The following FBH1 variants were observed in gnomAD, a reference collection of about 807,000 sequenced individuals.
FBH1 encodes DNA 3'-5' helicase 1.
Under a neutral mutation model 115.5 loss-of-function variants are expected in FBH1, and 43 were observed. That is an observed-to-expected ratio of 0.37 (90% CI 0.29 to 0.48). The LOEUF is 0.48. Ranked by LOEUF, FBH1 falls within the 20% of genes least tolerant of loss-of-function variation. FBH1 has a pLI of 0.99. For missense variants in FBH1, 1,001 were observed against 1,337.3 expected, an observed-to-expected ratio of 0.75 and a Z score of 3.92; for synonymous variants, 524 against 507.8, an observed-to-expected ratio of 1.03 and a Z score of -0.43.
intron 1 of FBH1, among the ~76,000 whole-genome samples, chr10:5,893,472 TC>T (rs1181292438): frequency 1.3e-5 from 2 of 152,198 alleles, no homozygotes; most frequent in African/African-American, 2.4e-5. Flanking sequence ...CTCCTGTCAT[TC>T]CTCATCAGGG....
At chr10:5,930,906 C>T (rs1262878823) in intron 19 of FBH1, among the ~76,000 whole-genome samples, 1 of 151,994 alleles carries the variant, frequency 6.6e-6, no homozygotes, top group Non-Finnish European at 1.5e-5. Flanking sequence ...TGCACCATCA[C>T]ACCTGGCTGG....
Position 5,906,017 on chromosome 10 carries a change from T to C in FBH1, c.158-20T>C. ...GTCATCGTTCATTTCTTGTCCATCC[T>C]GTTTGGGTTCTCTCTACAGGTCAGG... On this transcript the variant is annotated intron_variant, in intron 2 of 20. Transcript: ENST00000362091. The surrounding 1 kb of genome is among the most constrained non-coding windows in gnomAD (Gnocchi z 7.3). 1 of 1,567,324 alleles carries C rather than the reference T, an allele frequency of 6.4e-7. No individual in the cohort carries two copies. The highest frequency in any genetic ancestry group is 8.8e-7 in the Non-Finnish European group (1 of 1,141,086).
chr10:5,935,337 T>G lies in FBH1; in HGVS notation c.2830-1119T>G, dbSNP rs189617142. The G allele has an allele frequency of 6.6e-6, 1 of 152,322 alleles. No homozygotes were observed. Among genetic ancestry groups the G allele is most frequent in the East Asian group, 1.9e-4 (1 of 5,184 alleles). 9.4% of individuals were successfully genotyped at this position (152,322 alleles called of 1,614,324 possible). A position where few individuals can be genotyped will look rare whatever the true frequency, so the allele number is the denominator to read the frequency against. Reference sequence around the variant, plus strand: ...CGCTGTGACTGAGTCCTCTACAGCATTTTAGAAAACCTAGGTGAGGAGGAA... The same window carrying G: ...CGCTGTGACTGAGTCCTCTACAGCAGTTTAGAAAACCTAGGTGAGGAGGAA... On this transcript the variant is annotated intron_variant, in intron 19 of 20. Coordinates refer to ENST00000362091, the MANE Select transcript of FBH1 (RefSeq NM_178150.3). The surrounding 1 kb of genome is among the most constrained non-coding windows in gnomAD (Gnocchi z 5.2).
chr10:5,932,061 C>G lies in FBH1; in HGVS notation c.2830-4395C>G, dbSNP rs1330997656. Among the ~76,000 whole-genome samples, 12 of 152,172 alleles carry G rather than the reference C, an allele frequency of 7.9e-5. No individual in the cohort carries two copies. The highest frequency in any genetic ancestry group is 2.7e-4 in the African/African-American group (11 of 41,440). On this transcript the variant is annotated intron_variant, in intron 19 of 20. Transcript: ENST00000362091. The surrounding 1 kb of genome is among the most constrained non-coding windows in gnomAD (Gnocchi z 5.9). The stretch of plus-strand genomic sequence containing the variant: ...ACTTAGGAGGCTGAGGTGGGAGAAT[C>G]GCGTGAACCCAGGAGGCGGAGATTG...
At chr10:5,937,041 T>A in intron 20 of FBH1, 69 bp from the exon 21 acceptor site, 1 of 1,498,056 alleles carries the variant, frequency 6.7e-7, no homozygotes, top group South Asian at 1.4e-5. Context: ...GATAACTCCA[T>A]GCTTTTTGCT....
Position 5,924,414 on chromosome 10 carries a change from A to G in FBH1, c.2502A>G (p.Glu834=). The change falls in exon 17 of 21, where the codon GAA becomes GAG. Residue 834 remains glutamate, a synonymous_variant. Coordinates refer to ENST00000362091, the MANE Select transcript of FBH1 (RefSeq NM_178150.3). This position sits in a 1 kb window ranked among gnomAD's most constrained non-coding sequence, Gnocchi z 6.2. ...YVTAAEDKEL[E]AKIAVVEKYN... ...CCGCTGCCGAGGACAAGGAGCTTGA[A>G]GCCAAGATCGCAGTTGTTGAAAAGT... The G allele has an allele frequency of 6.2e-7, 1 of 1,614,266 alleles. No homozygotes were observed. The highest frequency in any genetic ancestry group is 1.1e-5 in the South Asian group (1 of 91,090).
rs367703353 is a variant in FBH1 at position 5,894,486 on chromosome 10, A to G, written c.1+4140A>G. 1.6e-5 allele frequency: 19 copies of G among 1,168,084 alleles called. No individual in the cohort carries two copies. In the African/African-American group the frequency reaches 2.4e-4, roughly 15 times the overall value. The allele number at this position is 1,168,084 out of a possible 1,614,324, so 72.4% of individuals were successfully genotyped here. On this transcript the variant is annotated intron_variant, in intron 1 of 20. Transcript: ENST00000362091. ...CCCGGGTTCTTGTGTTGGCACCATC[A>G]CTCATGAGCTACGAGGTGACTTCAG...
chr10:5,894,098 T>G (rs1842881638), intron 1 of FBH1: 3 of 985,298 alleles, frequency 3.0e-6, no homozygotes, highest in Non-Finnish European at 3.6e-6. Context: ...GCTTACTGCC[T>G]GGGAACTTTT....
chr10:5,916,489 C>A, intron 10 of FBH1, 33 bp downstream of exon 10: 1 of 1,564,170 alleles, frequency 6.4e-7, no homozygotes, highest in South Asian at 1.1e-5. Context: ...TGTTAGGGAT[C>A]TGAGGATGGG....
In FBH1 at chr10:5,906,351, A is replaced by G; in HGVS notation, c.472A>G (p.Arg158Gly). The change falls in exon 3 of 21, where the codon AGG becomes GGG. Residue 158 changes from arginine to glycine, a missense_variant. Physicochemically the swap from Arg to Gly is moderately radical, Grantham distance 125. Coordinates refer to ENST00000362091, the MANE Select transcript of FBH1 (RefSeq NM_178150.3). This position sits in a 1 kb window ranked among gnomAD's most constrained non-coding sequence, Gnocchi z 7.3. ...GCACCATTTGTCTGTGCCATGCACA[A>G]GGCCTAGGGAGGCCAGGCAAGAAGC... ...PRHHLSVPCT[R>G]PREARQEAED... 1 of 1,614,216 alleles carries G rather than the reference A, an allele frequency of 6.2e-7. No individual in the cohort carries two copies. The highest frequency in any genetic ancestry group is 8.5e-7 in the Non-Finnish European group (1 of 1,180,012).
intron 3 of FBH1, among the ~76,000 whole-genome samples, chr10:5,908,175 C>A (rs991664425): frequency 6.6e-6 from 1 of 151,882 alleles, no homozygotes; most frequent in East Asian, 1.9e-4. Context: ...GGGTTGTTTC[C>A]TATATTTAGG....
Position 5,909,274 on chromosome 10 carries a change from G to A in FBH1, c.1000G>A (p.Asp334Asn), listed in dbSNP as rs367743823. ...GGCGTGTGTGCGGCAACACCTCCCC[G>A]ACCTCTACGCTGCTGCCGGGGTAGG... ...AEACVRQHLP[D>N]LYAAAGGVNI... The change falls in exon 5 of 21, where the codon GAC (aspartate) becomes AAC (asparagine). Residue 334 changes from aspartate (D) to asparagine (N), a missense_variant. Physicochemically the swap from Asp to Asn is conservative, Grantham distance 23. Coordinates refer to ENST00000362091, the MANE Select transcript of FBH1 (RefSeq NM_178150.3). The surrounding 1 kb of genome is among the most constrained non-coding windows in gnomAD (Gnocchi z 4.4). 12 of 1,611,012 alleles carry A rather than the reference G, an allele frequency of 7.4e-6. No homozygotes were observed. Among genetic ancestry groups the A allele is most frequent in the South Asian group, 1.1e-5 (1 of 91,070 alleles).
rs35421692 is a variant in FBH1 at position 5,906,965 on chromosome 10, CTTT to C, written c.753+346_753+348del. Among the ~76,000 whole-genome samples, 7 of 142,702 alleles carry C rather than the reference CTTT, an allele frequency of 4.9e-5. No homozygotes were observed. Among genetic ancestry groups the C allele is most frequent in the Admixed American group, 7.0e-5 (1 of 14,206 alleles). 93.6% of individuals were successfully genotyped at this position (142,702 alleles called of 152,430 possible). On this transcript the variant is annotated intron_variant, in intron 3 of 20. Transcript: ENST00000362091. The surrounding 1 kb of genome is among the most constrained non-coding windows in gnomAD (Gnocchi z 7.3). ...GGGTTCCTCATATCTCCCTTGACTT[CTTT>C]TTTTTTTTTTTTGAGACAGAGTTTC...
In FBH1 at chr10:5,918,426, C is replaced by T. The variant is rs866331258; in HGVS notation, c.2048C>T (p.Ala683Val). The T allele has an allele frequency of 2.5e-6, 4 of 1,612,010 alleles. No individual in the cohort carries two copies. The highest frequency in any genetic ancestry group is 2.2e-5 in the East Asian group (1 of 44,818). ...PHQQIYTFRG[A>V]VNALFTVPHT... ...CAGCAGATCTATACCTTCCGGGGTG[C>T]GGTCAACGCCCTGTTCACAGTGCCC... Residue 683 changes from alanine to valine, a missense_variant, in exon 13 of 21, where the codon GCG (alanine) becomes GTG (valine). Ala to Val is a moderately conservative substitution (Grantham distance 64). Transcript: ENST00000362091. This position sits in a 1 kb window ranked among gnomAD's most constrained non-coding sequence, Gnocchi z 4.0.
intron 1 of FBH1, 152 bp from the exon 2 acceptor site, chr10:5,902,868 G>A: frequency 5.4e-6 from 3 of 559,482 alleles, no homozygotes; most frequent in South Asian, 7.2e-5. Context: ...AAAGGACAAA[G>A]TTGGGGGGCA....
chr10:5,936,700 T>C lies in FBH1; in HGVS notation c.2961+113T>C. 1 of 1,369,012 alleles carries C rather than the reference T, an allele frequency of 7.3e-7. No individual in the cohort carries two copies. The highest frequency in any genetic ancestry group is 1.0e-6 in the Non-Finnish European group (1 of 989,192). The allele number at this position is 1,369,012 out of a possible 1,614,324, so 84.8% of individuals were successfully genotyped here. A position where few individuals can be genotyped will look rare whatever the true frequency, so the allele number is the denominator to read the frequency against. ...TAAGAGAGAGCTGTGTGATCCTTTATTAGGGGCTTTTCATATGAGAGGCAC... is the reference window on the plus strand; with the variant it reads ...TAAGAGAGAGCTGTGTGATCCTTTACTAGGGGCTTTTCATATGAGAGGCAC... On this transcript the variant is annotated intron_variant, in intron 20 of 20. Coordinates refer to ENST00000362091, the MANE Select transcript of FBH1 (RefSeq NM_178150.3). This position sits in a 1 kb window ranked among gnomAD's most constrained non-coding sequence, Gnocchi z 5.6.
Position 5,915,593 on chromosome 10 carries a change from G to A in FBH1, c.1565+22G>A, listed in dbSNP as rs1172428307. 6.2e-7 allele frequency: 1 copy of A among 1,611,260 alleles called. No homozygotes were observed. Among genetic ancestry groups the A allele is most frequent in the Non-Finnish European group, 8.5e-7 (1 of 1,177,800 alleles). On this transcript the variant is annotated intron_variant, in intron 9 of 20. Coordinates refer to ENST00000362091, the MANE Select transcript of FBH1 (RefSeq NM_178150.3). The surrounding 1 kb of genome is among the most constrained non-coding windows in gnomAD (Gnocchi z 5.2). Reference sequence around the variant, plus strand: ...GGAAGTGAGTACTGCTGTCACTAGTGGCACTGTTGCTGCTGGCACGGTCGC... The same window carrying A: ...GGAAGTGAGTACTGCTGTCACTAGTAGCACTGTTGCTGCTGGCACGGTCGC...
chr10:5,904,286 G>C (rs1239323347), intron 2 of FBH1, among the ~76,000 whole-genome samples: 1 of 152,040 alleles, frequency 6.6e-6, no homozygotes, highest in African/African-American at 2.4e-5. Flanking sequence ...ACCTGCTTCC[G>C]CCTCTCAAAC....
chr10:5,894,661 C>A, intron 1 of FBH1: 5 of 693,710 alleles, frequency 7.2e-6, no homozygotes, highest in Middle Eastern at 2.7e-4. Flanking sequence ...GAAGACAGCC[C>A]ACACTTCAGA....
Sources: gnomAD v4.1 joint callset for allele counts (sites outside exome capture counted in the v4.1 genomes callset) on GRCh38, gnomAD v4.1.1 for gene constraint, Gnocchi (gnomAD v3.1) non-coding constraint, MANE v1.5 for transcripts, NCBI Gene and HGNC (gene_info 2026-07-23, HGNC 2026-07-21) for gene names.